Variants in KAZN observed in about 807,000 individuals in gnomAD.
The protein encoded by KAZN is kazrin.
In KAZN, 40 loss-of-function variants were observed where a neutral mutation model predicts 87.4. That is an observed-to-expected ratio of 0.46 (90% CI 0.36 to 0.60). The LOEUF (loss-of-function observed/expected upper bound fraction) is 0.60. Among genes scored for constraint, KAZN ranks in the 20% least tolerant of loss-of-function variants. The pLI is 0.00. For synonymous variants in KAZN, 466 were observed against 458.3 expected (o/e 1.02, Z -0.22); for missense variants, 898 against 1,073.9 (o/e 0.84, Z 2.29).
chr1:14,032,816 C>T (rs1386028488), intron 1 of KAZN, among the ~76,000 whole-genome samples: 1 of 152,140 alleles, frequency 6.6e-6, no homozygotes, highest in African/African-American at 2.4e-5. Context: ...TGAGAGCTGG[C>T]ATTACTAAGC....
intron 1 of KAZN, among the ~76,000 whole-genome samples, chr1:14,937,474 G>A (rs992583460): frequency 1.3e-5 from 2 of 152,050 alleles, no homozygotes; most frequent in African/African-American, 4.8e-5. Flanking sequence ...TAATAATCAC[G>A]TCCCCTCCGC....
chr1:14,000,250 A>G (rs1639724166), intron 1 of KAZN, among the ~76,000 whole-genome samples: 1 of 152,228 alleles, frequency 6.6e-6, no homozygotes, highest in Non-Finnish European at 1.5e-5. Context: ...ACAAAAAAAG[A>G]AAACTTCAGG....
chr1:14,596,286 G>GC (rs1445436142), upstream of KAZN, among the ~76,000 whole-genome samples: 2 of 144,926 alleles, frequency 1.4e-5, no homozygotes, highest in African/African-American at 5.2e-5. Context: ...TACCAGAGGT[G>GC]TGAGTGCACG....
chr1:14,490,874 A>G (rs1384811108), intron 2 of KAZN, among the ~76,000 whole-genome samples: 1 of 152,204 alleles, frequency 6.6e-6, no homozygotes, highest in Non-Finnish European at 1.5e-5. Flanking sequence ...TAATCCTCTT[A>G]GTTTTTTCCC....
At chr1:14,448,620 C>T (rs1294936632) in intron 2 of KAZN, among the ~76,000 whole-genome samples, 1 of 152,194 alleles carries the variant, frequency 6.6e-6, no homozygotes, top group Non-Finnish European at 1.5e-5. Flanking sequence ...TTAGGGATTC[C>T]CAACAACTCT....
intron 2 of KAZN, among the ~76,000 whole-genome samples, chr1:14,510,496 C>T (rs996997968): frequency 6.6e-6 from 1 of 152,062 alleles, no homozygotes; most frequent in South Asian, 2.1e-4. Flanking sequence ...CAAAGGTATT[C>T]ATGGTTTATC....
At chr1:14,477,438 C>CTT (rs1362021569) in intron 2 of KAZN, among the ~76,000 whole-genome samples, 1 of 150,276 alleles carries the variant, frequency 6.7e-6, no homozygotes, top group Non-Finnish European at 1.5e-5. Flanking sequence ...CTCTCTCTCT[C>CTT]TCTCTCCCCC....
chr1:13,928,490 T>C (rs1640370609), intron 1 of KAZN, among the ~76,000 whole-genome samples: 3 of 152,250 alleles, frequency 2.0e-5, no homozygotes, highest in African/African-American at 4.8e-5. Flanking sequence ...AACATCAGTA[T>C]GGCTTCTGAA....
chr1:14,930,462 A>G (rs1312146164), intron 1 of KAZN, among the ~76,000 whole-genome samples: 10 of 152,128 alleles, frequency 6.6e-5, no homozygotes, highest in Non-Finnish European at 1.3e-4. Context: ...TTGAAGTTCT[A>G]TGTGCCCAGG....
intron 1 of KAZN, among the ~76,000 whole-genome samples, chr1:14,775,431 T>C (rs1645147276): frequency 6.6e-6 from 1 of 152,368 alleles, no homozygotes; most frequent in South Asian, 2.1e-4. Context: ...AGGAGGTTAA[T>C]TAACATGTCC....
intron 2 of KAZN, among the ~76,000 whole-genome samples, chr1:14,396,562 T>C (rs1662919428): frequency 1.3e-5 from 2 of 152,252 alleles, no homozygotes; most frequent in African/African-American, 4.8e-5. Context: ...TTTTGACAGA[T>C]GAAATTGCAG....
chr1:14,115,783 A>G (rs1570773195), intron 1 of KAZN, among the ~76,000 whole-genome samples: 1 of 152,186 alleles, frequency 6.6e-6, no homozygotes, highest in Admixed American at 6.5e-5. Flanking sequence ...GGAACTTCCT[A>G]GAGACTTGTT....
chr1:14,259,519 C>A (rs1040969335), intron 2 of KAZN, among the ~76,000 whole-genome samples: 1 of 152,192 alleles, frequency 6.6e-6, no homozygotes, highest in African/African-American at 2.4e-5. Context: ...ACATCCCAGC[C>A]TCACCCCCCA....
chr1:14,386,105 A>T (rs1222360903), intron 2 of KAZN, among the ~76,000 whole-genome samples: 1 of 148,134 alleles, frequency 6.8e-6, no homozygotes, highest in African/African-American at 2.5e-5. Flanking sequence ...GTTGGTTTAA[A>T]GTCTGTTTTA....
chr1:13,934,344 G>A (rs893591387), intron 1 of KAZN, among the ~76,000 whole-genome samples: 2 of 152,146 alleles, frequency 1.3e-5, no homozygotes, highest in Non-Finnish European at 2.9e-5. Flanking sequence ...CCGGGGAAGC[G>A]TCTGGAAAGA....
chr1:14,396,658 T>C (rs1457398185), intron 2 of KAZN, among the ~76,000 whole-genome samples: 1 of 152,186 alleles, frequency 6.6e-6, no homozygotes, highest in Admixed American at 6.5e-5. Context: ...TAATCTAAAA[T>C]TGAGAAGCAG....
At chr1:14,371,653 G>T (rs532086297) in intron 2 of KAZN, among the ~76,000 whole-genome samples, 1 of 152,180 alleles carries the variant, frequency 6.6e-6, no homozygotes, top group Admixed American at 6.5e-5. Flanking sequence ...AAGAGAGTAA[G>T]AATGCACCTG....
At chr1:14,108,445 G>A (rs983768688) in intron 1 of KAZN, among the ~76,000 whole-genome samples, 1 of 152,162 alleles carries the variant, frequency 6.6e-6, no homozygotes, top group Non-Finnish European at 1.5e-5. Context: ...TAGCAGACAA[G>A]TAATCAATAT....
chr1:15,014,455 T>C (rs941833846), intron 2 of KAZN, among the ~76,000 whole-genome samples: 9 of 152,154 alleles, frequency 5.9e-5, no homozygotes, highest in African/African-American at 1.9e-4. Context: ...TTTTGTATAA[T>C]TCTGTCACCT....
Sources: allele counts gnomAD v4.1 joint callset (sites outside exome capture counted in the v4.1 genomes callset), GRCh38; gene constraint gnomAD v4.1.1; transcripts MANE v1.5; gene names NCBI Gene and HGNC (gene_info 2026-07-23, HGNC 2026-07-21).